Variants in SMAP1 observed in about 807,000 individuals in gnomAD.
The protein encoded by SMAP1 is small ArfGAP 1, also known as stromal membrane-associated protein 1.
SMAP1 carries 24 observed loss-of-function variants against 58.5 expected under a neutral mutation model. The ratio of observed to expected loss-of-function variants is 0.41; its 90% CI spans 0.30 to 0.58. The LOEUF (loss-of-function observed/expected upper bound fraction) is 0.58, where lower values mean the gene tolerates loss of function less well. Ranked by LOEUF, SMAP1 falls within the 20% of genes least tolerant of loss-of-function variation. The pLI, the probability that SMAP1 is intolerant of heterozygous loss-of-function variation, is 0.29. For missense variants in SMAP1, 563 were observed against 566.3 expected (o/e 0.99, Z 0.06); for synonymous variants, 216 against 196.6 (o/e 1.10, Z -0.82).
chr6:70,743,768 G>T (rs1461793113), intron 2 of SMAP1, among the ~76,000 whole-genome samples: 1 of 152,170 alleles, frequency 6.6e-6, no homozygotes, highest in Non-Finnish European at 1.5e-5. Flanking sequence ...ATCATTAAAT[G>T]CATCTTCAAA....
intron 3 of SMAP1, among the ~76,000 whole-genome samples, chr6:70,769,581 CT>C (rs1020427536): frequency 6.6e-6 from 1 of 152,006 alleles, no homozygotes; most frequent in African/African-American, 2.4e-5. Flanking sequence ...CAACCCCTGC[CT>C]TTTTTTGTTT....
chr6:70,713,296 C>A (rs1768134352), intron 1 of SMAP1, among the ~76,000 whole-genome samples: 2 of 151,666 alleles, frequency 1.3e-5, no homozygotes, highest in African/African-American at 4.8e-5. Flanking sequence ...TACTTTCTTT[C>A]TTCTGCTAAC....
intron 1 of SMAP1, among the ~76,000 whole-genome samples, chr6:70,678,572 T>G (rs1766575133): frequency 6.6e-6 from 1 of 152,210 alleles, no homozygotes; most frequent in South Asian, 2.1e-4. Flanking sequence ...TAAAAAATCC[T>G]ACAAACTGAA....
chr6:70,701,653 C>G (rs1767633405), intron 1 of SMAP1, among the ~76,000 whole-genome samples: 1 of 152,146 alleles, frequency 6.6e-6, no homozygotes, highest in African/African-American at 2.4e-5. Flanking sequence ...GACAGAGTTT[C>G]AATGCCAAGT....
intron 6 of SMAP1, 95 bp downstream of exon 6, chr6:70,798,832 T>C: frequency 9.9e-7 from 1 of 1,008,018 alleles, no homozygotes; most frequent in Non-Finnish European, 1.4e-6. Flanking sequence ...AATATGTAAA[T>C]AATCATTATT....
At position 70,860,227 on chromosome 6, in the gene SMAP1, A is replaced by C. The variant is rs1344953902; in HGVS notation, c.1297A>C (p.Ile433Leu). The C allele has an allele frequency of 6.2e-7, 1 of 1,612,850 alleles. No homozygotes were observed. The change falls in exon 11 of 11, where the codon ATC becomes CTC. Residue 433 changes from isoleucine to leucine, a missense_variant. Physicochemically the swap from Ile to Leu is conservative, Grantham distance 5. Coordinates refer to ENST00000370455, the MANE Select transcript of SMAP1 (RefSeq NM_001044305.3). ...GAATCAGCAGATGGCTGGCATGAGT[A>C]TCAGTAGTGCAACCCCTACTGCAGG... ...QMNQQMAGMS[I>L]SSATPTAGFG...
At chr6:70,798,580 T>A (rs1582209872) in intron 5 of SMAP1, 77 bp from the exon 6 acceptor site, 1 of 1,105,696 alleles carries the variant, frequency 9.0e-7, no homozygotes, top group Non-Finnish European at 1.3e-6. Flanking sequence ...AGATGATTAC[T>A]CAAACTAATA....
At chr6:70,779,848 G>C (rs1032470895) in intron 4 of SMAP1, among the ~76,000 whole-genome samples, 6 of 152,172 alleles carry the variant, frequency 3.9e-5, no homozygotes, top group African/African-American at 1.2e-4. Flanking sequence ...GCTAGTGCTG[G>C]GGAGTGGCTA....
At chr6:70,825,734 T>C (rs1441860988) in intron 6 of SMAP1, among the ~76,000 whole-genome samples, 1 of 152,232 alleles carries the variant, frequency 6.6e-6, no homozygotes, top group Admixed American at 6.5e-5. Context: ...TCAAATTGGA[T>C]ACTTGTAAGA....
At chr6:70,688,434 T>G (rs1230243387) in intron 1 of SMAP1, among the ~76,000 whole-genome samples, 1 of 152,204 alleles carries the variant, frequency 6.6e-6, no homozygotes, top group African/African-American at 2.4e-5. Context: ...TGTGAGCTAT[T>G]TAGTTGGTCC....
At chr6:70,825,575 G>A (rs1770080749) in intron 6 of SMAP1, among the ~76,000 whole-genome samples, 1 of 152,146 alleles carries the variant, frequency 6.6e-6, no homozygotes, top group Non-Finnish European at 1.5e-5. Flanking sequence ...CTACTGAGAG[G>A]TGACTGGGCA....
chr6:70,735,301 G>C (rs979898765), intron 2 of SMAP1, among the ~76,000 whole-genome samples: 1 of 152,038 alleles, frequency 6.6e-6, no homozygotes, highest in African/African-American at 2.4e-5. Flanking sequence ...AAGTCCCCCA[G>C]GGGCATACAC....
At chr6:70,698,181 C>G (rs1372735349) in intron 1 of SMAP1, among the ~76,000 whole-genome samples, 1 of 152,124 alleles carries the variant, frequency 6.6e-6, no homozygotes, top group Non-Finnish European at 1.5e-5. Flanking sequence ...ATATGCTATT[C>G]TAGGATAAAA....
intron 1 of SMAP1, among the ~76,000 whole-genome samples, chr6:70,719,053 G>C (rs189620767): frequency 6.6e-6 from 1 of 152,198 alleles, no homozygotes; most frequent in East Asian, 1.9e-4. Flanking sequence ...AAGAAATGTA[G>C]ATTTTTGGAG....
intron 1 of SMAP1, among the ~76,000 whole-genome samples, chr6:70,719,668 C>T (rs866892477): frequency 3.9e-5 from 6 of 152,078 alleles, no homozygotes; most frequent in Admixed American, 1.3e-4. Flanking sequence ...TTCATATGGT[C>T]GGGGAGGCCT....
At chr6:70,812,310 G>A (rs553937978) in intron 6 of SMAP1, among the ~76,000 whole-genome samples, 14 of 152,266 alleles carry the variant, frequency 9.2e-5, no homozygotes, top group African/African-American at 3.4e-4. Flanking sequence ...TTAATTATAA[G>A]TTATCCAAAG....
At chr6:70,855,079 T>TACATAC (rs1453428235) in intron 8 of SMAP1, among the ~76,000 whole-genome samples, 4 of 151,236 alleles carry the variant, frequency 2.6e-5, no homozygotes, top group Admixed American at 6.6e-5. Flanking sequence ...CATATACATA[T>TACATAC]ACATATACAT....
intron 8 of SMAP1, among the ~76,000 whole-genome samples, chr6:70,854,446 AC>A (rs1407852357): frequency 4.6e-5 from 7 of 151,964 alleles, no homozygotes; most frequent in Non-Finnish European, 1.0e-4. Flanking sequence ...ACATGGTGAA[AC>A]CCCATCTCTC....
At chr6:70,799,297 A>G (rs893055361) in intron 6 of SMAP1, among the ~76,000 whole-genome samples, 7 of 152,268 alleles carry the variant, frequency 4.6e-5, no homozygotes, top group African/African-American at 1.7e-4. Flanking sequence ...CAAATTGTAG[A>G]TGTTTATTCT....
Sources: gnomAD v4.1 joint callset for allele counts (sites outside exome capture counted in the v4.1 genomes callset) on GRCh38, gnomAD v4.1.1 for gene constraint, MANE v1.5 for transcripts, NCBI Gene and HGNC (gene_info 2026-07-23, HGNC 2026-07-21) for gene names.